NSL1: variants seen among roughly 807,000 people sequenced by gnomAD.
The protein encoded by NSL1 is NSL1 component of MIS12 kinetochore complex.
NSL1 carries 11 observed loss-of-function variants against 25.4 expected under a neutral mutation model. That is an observed-to-expected ratio of 0.43 (90% confidence interval 0.27 to 0.72). The LOEUF (loss-of-function observed/expected upper bound fraction) is 0.72, where lower values mean the gene tolerates loss of function less well. Among genes scored for constraint, NSL1 ranks in the 30% least tolerant of loss-of-function variants. The pLI is 0.19. For missense variants in NSL1, 330 were observed against 342.7 expected (o/e 0.96, Z 0.29); for synonymous variants, 118 against 120.6 (o/e 0.98, Z 0.14).
intron 4 of NSL1, among the ~76,000 whole-genome samples, chr1:212,741,068 T>C (rs1259940047): frequency 6.6e-6 from 1 of 152,202 alleles, no homozygotes; most frequent in Non-Finnish European, 1.5e-5. Flanking sequence ...AAAATGTATT[T>C]TTTTTCCTAT....
intron 4 of NSL1, among the ~76,000 whole-genome samples, chr1:212,750,271 G>T (rs1473328982): frequency 1.3e-5 from 2 of 152,114 alleles, no homozygotes; most frequent in East Asian, 3.9e-4. Flanking sequence ...CACAGGTGAT[G>T]TAAGAAAGTT....
intron 1 of NSL1, among the ~76,000 whole-genome samples, chr1:212,788,907 G>C (rs1041429206): frequency 6.6e-6 from 1 of 152,170 alleles, no homozygotes. Context: ...ATTATTAATG[G>C]AGACAAACAA....
At chr1:212,767,355 T>C (rs535408950) in intron 4 of NSL1, among the ~76,000 whole-genome samples, 157 of 152,156 alleles carry the variant, frequency 1.0e-3, no homozygotes, top group African/African-American at 3.6e-3. Context: ...GACATCCTAA[T>C]TGGCAAGCCA....
At chr1:212,770,515 TAG>T (rs1287002996) in intron 4 of NSL1, among the ~76,000 whole-genome samples, 2 of 151,694 alleles carry the variant, frequency 1.3e-5, no homozygotes, top group Admixed American at 1.3e-4. Context: ...AAAATCTGAA[TAG>T]ACCAATAACA....
Position 212,730,607 on chromosome 1 carries a change from G to C in NSL1, c.*7801C>G, listed in dbSNP as rs1050763257. 3 of 985,392 alleles carry C rather than the reference G, an allele frequency of 3.0e-6. No homozygotes were observed. The highest frequency in any genetic ancestry group is 3.6e-6 in the Non-Finnish European group (3 of 829,914). 61.0% of individuals were successfully genotyped at this position (985,392 alleles called of 1,614,324 possible). On this transcript the variant is annotated 3_prime_UTR_variant, in exon 6 of 6. Coordinates refer to ENST00000366977, the MANE Select transcript of NSL1 (RefSeq NM_015471.4). ...TCTAGCTATCCCAGGCCACCCAGAA[G>C]TCAGGGGATGTGACCAAAGGAAAAG...
intron 4 of NSL1, chr1:212,764,075 G>T: frequency 2.4e-6 from 1 of 419,382 alleles, no homozygotes; most frequent in South Asian, 1.8e-5. Flanking sequence ...ATCCTATCAA[G>T]TATCTTCTCA....
At position 212,733,091 on chromosome 1, in the gene NSL1, A is replaced by G. The variant is rs1658092472; in HGVS notation, c.*5317T>C. Among the ~76,000 whole-genome samples, 1 of 152,102 alleles carries G rather than the reference A, an allele frequency of 6.6e-6. No homozygotes were observed. The highest frequency in any genetic ancestry group is 2.4e-5 in the African/African-American group (1 of 41,418). On this transcript the variant is annotated 3_prime_UTR_variant, in exon 6 of 6. Transcript: ENST00000366977. ...TTGTTCAATGGTTTTCAGTATATTCAACAAGCAGTCGTGAATCACCATAAT... is the reference window on the plus strand; with the variant it reads ...TTGTTCAATGGTTTTCAGTATATTCGACAAGCAGTCGTGAATCACCATAAT...
intron 4 of NSL1, among the ~76,000 whole-genome samples, chr1:212,753,255 GT>G (rs142616014): frequency 0.023 from 3,465 of 152,222 alleles, 63 homozygotes; most frequent in South Asian, 0.041. Context: ...ACCCTCGCTC[GT>G]TATTATCTGG....
chr1:212,784,990 A>G (rs561758765), intron 2 of NSL1, among the ~76,000 whole-genome samples: 20 of 152,244 alleles, frequency 1.3e-4, no homozygotes, highest in Non-Finnish European at 2.8e-4. Flanking sequence ...AGTATTTGCA[A>G]GATCCTAGTC....
At chr1:212,740,052 T>G (rs1361877581) in intron 4 of NSL1, among the ~76,000 whole-genome samples, 2 of 152,200 alleles carry the variant, frequency 1.3e-5, no homozygotes, top group African/African-American at 4.8e-5. Context: ...TAATACTACT[T>G]TCTCTTTCCT....
In NSL1 at chr1:212,735,495, G is replaced by C; in HGVS notation, c.*2913C>G. The C allele has an allele frequency of 2.0e-6, 2 of 985,386 alleles. No individual in the cohort carries two copies. The highest frequency in any genetic ancestry group is 2.4e-6 in the Non-Finnish European group (2 of 829,898). 61.0% of individuals were successfully genotyped at this position (985,386 alleles called of 1,614,324 possible). ...TTTTATTCACTTTGTCCTCTACGGA[G>C]CCCAAGCCATAAAGGGCCAGGGAAA... On this transcript the variant is annotated 3_prime_UTR_variant, in exon 6 of 6. Coordinates refer to ENST00000366977, the MANE Select transcript of NSL1 (RefSeq NM_015471.4).
intron 4 of NSL1, among the ~76,000 whole-genome samples, chr1:212,767,038 C>T (rs1848243): frequency 0.66 from 100,212 of 152,010 alleles, 33,419 homozygotes; most frequent in Non-Finnish European, 0.69. Context: ...ACAAATTCAA[C>T]GCAATTCCCA....
chr1:212,729,945 A>T lies in NSL1; in HGVS notation c.*8463T>A. ...GTGGAGGAACTAAACCTCCGGAAGG[A>T]TTTTTTTTTTTAAGAATGAAATGGG... On this transcript the variant is annotated 3_prime_UTR_variant, in exon 6 of 6. Coordinates refer to ENST00000366977, the MANE Select transcript of NSL1 (RefSeq NM_015471.4). The T allele has an allele frequency of 2.4e-6, 2 of 834,456 alleles. No homozygotes were observed. The highest frequency in any genetic ancestry group is 2.9e-6 in the Non-Finnish European group (2 of 694,292). The allele number at this position is 834,456 out of a possible 1,614,324, so 51.7% of individuals were successfully genotyped here. A position where few individuals can be genotyped will look rare whatever the true frequency, so the allele number is the denominator to read the frequency against.
In NSL1 at chr1:212,730,205, G is replaced by A. The variant is rs1210139936; in HGVS notation, c.*8203C>T. On this transcript the variant is annotated 3_prime_UTR_variant, in exon 6 of 6. Coordinates refer to ENST00000366977, the MANE Select transcript of NSL1 (RefSeq NM_015471.4). The stretch of plus-strand genomic sequence containing the variant: ...GTGGAGGTTGCAGTGAGTTGAGATC[G>A]CTCCACTACACTCCAGCCTGGGTGA... The A allele has an allele frequency of 1.3e-5, 12 of 937,006 alleles. No homozygotes were observed. The highest frequency in any genetic ancestry group is 4.4e-5 in the African/African-American group (2 of 45,958). The allele number at this position is 937,006 out of a possible 1,614,324, so 58.0% of individuals were successfully genotyped here.
intron 4 of NSL1, among the ~76,000 whole-genome samples, chr1:212,778,447 G>C (rs186056196): frequency 7.0e-4 from 106 of 152,308 alleles, no homozygotes; most frequent in African/African-American, 2.4e-3. Context: ...CTCTGATGCC[G>C]AGCCGAAGCT....
In NSL1 at chr1:212,727,742, A is replaced by G. The variant is rs993501207; in HGVS notation, c.*10666T>C. ...TTATATTTCCCAAGAAATTAACAGC[A>G]AAAGTTCATATTTAACCTCATTAAG... On this transcript the variant is annotated 3_prime_UTR_variant, in exon 6 of 6. Transcript: ENST00000366977. 1 of 984,700 alleles carries G rather than the reference A, an allele frequency of 1.0e-6. No individual in the cohort carries two copies. 61.0% of individuals were successfully genotyped at this position (984,700 alleles called of 1,614,324 possible).
At chr1:212,768,817 C>T (rs1239362945) in intron 4 of NSL1, among the ~76,000 whole-genome samples, 3 of 152,096 alleles carry the variant, frequency 2.0e-5, no homozygotes, top group East Asian at 1.9e-4. Flanking sequence ...GAAATCACCA[C>T]TAAATAGCTC....
chr1:212,776,829 G>A (rs1487903358), intron 4 of NSL1, among the ~76,000 whole-genome samples: 1 of 151,892 alleles, frequency 6.6e-6, no homozygotes, highest in East Asian at 1.9e-4. Context: ...GTCAATGCTT[G>A]TGGTATGTAG....
chr1:212,753,958 C>G (rs548586749), intron 4 of NSL1, among the ~76,000 whole-genome samples: 1 of 152,058 alleles, frequency 6.6e-6, no homozygotes, highest in Admixed American at 6.5e-5. Context: ...CAAACTTGGG[C>G]AAGGGGGCAT....
Sources: allele counts gnomAD v4.1 joint callset (sites outside exome capture counted in the v4.1 genomes callset), GRCh38; gene constraint gnomAD v4.1.1; transcripts MANE v1.5; gene names NCBI Gene and HGNC (gene_info 2026-07-23, HGNC 2026-07-21).